The following SOS2 variants were observed in gnomAD, a reference collection of about 807,000 sequenced individuals.
The protein encoded by SOS2 is son of sevenless homolog 2.
Under a neutral mutation model 148.2 loss-of-function variants are expected in SOS2, and 65 were observed. The ratio of observed to expected loss-of-function variants is 0.44; its 90% confidence interval spans 0.36 to 0.54. The LOEUF (loss-of-function observed/expected upper bound fraction) is 0.54, where lower values mean the gene tolerates loss of function less well. SOS2 is among the 20% of genes least tolerant of loss of function. SOS2 has a pLI of 0.00. For missense variants in SOS2, 1,341 were observed against 1,590.2 expected, an observed-to-expected ratio of 0.84 and a Z score of 2.67; for synonymous variants, 539 against 537.1, an observed-to-expected ratio of 1.00 and a Z score of -0.05.
intron 2 of SOS2, among the ~76,000 whole-genome samples, chr14:50,203,030 G>A (rs775591842): frequency 1.3e-5 from 2 of 151,738 alleles, no homozygotes; most frequent in African/African-American, 2.4e-5. Flanking sequence ...GCAGTGACAC[G>A]TGCCTGTAGT....
At chr14:50,163,087 C>A (rs1885063060) in intron 8 of SOS2, among the ~76,000 whole-genome samples, 1 of 150,452 alleles carries the variant, frequency 6.6e-6, no homozygotes, top group South Asian at 2.1e-4. Flanking sequence ...TTTAATTTTT[C>A]TGTAGAGATG....
At position 50,125,514 on chromosome 14, in the gene SOS2, A is replaced by G. The variant is rs145498374; in HGVS notation, c.3379+4447T>C. Among the ~76,000 whole-genome samples, 3 of 152,344 alleles carry G rather than the reference A, an allele frequency of 2.0e-5. No individual in the cohort carries two copies. The East Asian group carries it at 5.8e-4, about 29-fold the overall frequency. On this transcript the variant is annotated intron_variant, in intron 21 of 22. Transcript: ENST00000216373. ...ACAAGAAAAATAAGAAATATCAACA[A>G]ACTTCAATAAAGCCAGGAAATATAT...
intron 11 of SOS2, among the ~76,000 whole-genome samples, chr14:50,158,030 G>C (rs1438715924): frequency 6.6e-6 from 1 of 152,016 alleles, no homozygotes; most frequent in African/African-American, 2.4e-5. Flanking sequence ...ATGTTGTCTA[G>C]GATCTACTTC....
chr14:50,184,861 C>A (rs1261654958), intron 5 of SOS2, among the ~76,000 whole-genome samples: 1 of 60,214 alleles, frequency 1.7e-5, no homozygotes, highest in African/African-American at 6.6e-5. Context: ...CAGACCCTGT[C>A]TCCAAAAAAA....
intron 14 of SOS2, among the ~76,000 whole-genome samples, chr14:50,147,692 AT>A (rs1380676867): frequency 6.6e-6 from 1 of 152,236 alleles, no homozygotes; most frequent in Non-Finnish European, 1.5e-5. Flanking sequence ...AAGGATTTCA[AT>A]TTTATCTAAA....
At chr14:50,121,648 A>T (rs780552204) in intron 21 of SOS2, among the ~76,000 whole-genome samples, 1 of 146,424 alleles carries the variant, frequency 6.8e-6, no homozygotes, top group Non-Finnish European at 1.5e-5. Flanking sequence ...TCTGAACTGA[A>T]CTGCTTATGA....
chr14:50,220,359 T>C (rs1887165349), intron 1 of SOS2, among the ~76,000 whole-genome samples: 2 of 115,914 alleles, frequency 1.7e-5, no homozygotes, highest in African/African-American at 3.4e-5. Flanking sequence ...TGAGCCAAGA[T>C]AGCACCACTG....
chr14:50,150,671 C>T (rs1283626909), intron 13 of SOS2, among the ~76,000 whole-genome samples: 1 of 151,852 alleles, frequency 6.6e-6, no homozygotes, highest in East Asian at 1.9e-4. Flanking sequence ...AAGTGATCCT[C>T]CCACCTCAGC....
At chr14:50,180,305 AATTC>A (rs1444672034) in intron 7 of SOS2, among the ~76,000 whole-genome samples, 2 of 146,228 alleles carry the variant, frequency 1.4e-5, no homozygotes, top group East Asian at 4.0e-4. Flanking sequence ...CACCCAGCCA[AATTC>A]ATCTTTATAC....
intron 19 of SOS2, among the ~76,000 whole-genome samples, chr14:50,131,451 A>C (rs1187787560): frequency 6.6e-6 from 1 of 152,220 alleles, no homozygotes; most frequent in Non-Finnish European, 1.5e-5. Context: ...TGCATGGCAA[A>C]TGTCTATTAT....
At chr14:50,183,375 GACTT>G (rs977838009) in intron 5 of SOS2, among the ~76,000 whole-genome samples, 4 of 150,652 alleles carry the variant, frequency 2.7e-5, no homozygotes, top group African/African-American at 9.8e-5. Context: ...GAAATAAAGA[GACTT>G]GCTTGTACAA....
Position 50,159,567 on chromosome 14 carries a change from T to C in SOS2, c.1716A>G (p.Val572=), listed in dbSNP as rs772880193. 11 of 1,614,042 alleles carry C rather than the reference T, an allele frequency of 6.8e-6. No individual in the cohort carries two copies. The South Asian group carries it at 1.1e-4, about 16-fold the overall frequency. ...CAGAGTCTTTTACTACAAAACGATA[T>C]ACTTCAGGACTTGGTAATCTCAGTG... ...EQPLRLPSPE[V]YRFVVKDSEE... is the part of the protein sequence containing the mutation. The change falls in exon 10 of 23, where the codon GTA becomes GTG. Residue 572 remains valine (V), a synonymous_variant. Transcript: ENST00000216373.
intron 1 of SOS2, chr14:50,215,288 C>A: frequency 2.7e-6 from 2 of 740,998 alleles, no homozygotes; most frequent in Non-Finnish European, 3.8e-6. Flanking sequence ...ATTTGAACAT[C>A]AAGCATCAAA....
intron 16 of SOS2, 50 bp downstream of exon 16, chr14:50,145,120 C>G (rs746988886): frequency 9.2e-7 from 1 of 1,086,982 alleles, no homozygotes; most frequent in Non-Finnish European, 1.3e-6. Context: ...TTCTTTTATG[C>G]TAATTTCATC....
At chr14:50,215,858 T>G (rs1315774262) in intron 1 of SOS2, among the ~76,000 whole-genome samples, 3 of 152,264 alleles carry the variant, frequency 2.0e-5, no homozygotes, top group Non-Finnish European at 2.9e-5. Flanking sequence ...CTAATTTATA[T>G]TTTTCAGTTT....
At chr14:50,124,333 A>G (rs1383056268) in intron 21 of SOS2, among the ~76,000 whole-genome samples, 3 of 152,184 alleles carry the variant, frequency 2.0e-5, no homozygotes, top group Non-Finnish European at 4.4e-5. Context: ...AGTGGAAGAA[A>G]AGACGAGACA....
intron 21 of SOS2, among the ~76,000 whole-genome samples, chr14:50,124,059 C>T (rs1883608899): frequency 6.6e-6 from 1 of 152,114 alleles, no homozygotes; most frequent in Non-Finnish European, 1.5e-5. Flanking sequence ...ATAAGAAGCT[C>T]AGTTTCAGAC....
chr14:50,144,862 G>C (rs914195130), intron 16 of SOS2, among the ~76,000 whole-genome samples: 2 of 152,074 alleles, frequency 1.3e-5, no homozygotes, highest in Non-Finnish European at 2.9e-5. Flanking sequence ...CAATCAATGT[G>C]TTATTGAATA....
At chr14:50,170,138 G>A (rs1463701780) in intron 8 of SOS2, among the ~76,000 whole-genome samples, 1 of 134,224 alleles carries the variant, frequency 7.5e-6, no homozygotes, top group Non-Finnish European at 1.6e-5. Flanking sequence ...TCACTTTGTT[G>A]CCCAGGCTGG....
Sources: gnomAD v4.1 joint callset for allele counts (sites outside exome capture counted in the v4.1 genomes callset) on GRCh38, gnomAD v4.1.1 for gene constraint, MANE v1.5 for transcripts, NCBI Gene and HGNC (gene_info 2026-07-23, HGNC 2026-07-21) for gene names.